The following TCF12 variants were observed in gnomAD, a reference collection of about 807,000 sequenced individuals.
The protein encoded by TCF12 is DNA-binding protein HTF4.
In TCF12, 45 loss-of-function variants were observed where a neutral mutation model predicts 86.0. The observed-to-expected ratio is 0.52, with a 90% CI of 0.41 to 0.67. The LOEUF is 0.67. Among genes scored for constraint, TCF12 ranks in the 30% least tolerant of loss-of-function variants. TCF12 has a pLI of 0.00. For missense variants in TCF12, 881 were observed against 859.9 expected (o/e 1.02, Z -0.31); for synonymous variants, 330 against 299.6 (o/e 1.10, Z -1.05).
intron 3 of TCF12, among the ~76,000 whole-genome samples, chr15:57,007,754 C>CTTT (rs1567240947): frequency 2.2e-5 from 3 of 138,274 alleles, no homozygotes; most frequent in African/African-American, 8.3e-5. Context: ...AAATATTTTT[C>CTTT]CTTCTTTCTT....
rs537779932 is a variant in TCF12 at position 57,103,373 on chromosome 15, G to A, written c.325+11482G>A. 4.6e-5 allele frequency among the ~76,000 whole-genome samples: 7 copies of A among 152,284 alleles called. No individual in the cohort carries two copies. The East Asian group carries it at 1.3e-3, about 29-fold the overall frequency. On this transcript the variant is annotated intron_variant, in intron 5 of 20. Transcript: ENST00000333725. ...TGCTATTCATTTTCAACTTAAGGCT[G>A]TCTTCTGTCTTAAGGATTTAATTGG...
chr15:57,062,669 C>T (rs1339344127), intron 3 of TCF12, among the ~76,000 whole-genome samples: 2 of 152,102 alleles, frequency 1.3e-5, no homozygotes, highest in Non-Finnish European at 2.9e-5. Context: ...GAATTTGTGG[C>T]ATTTAATTTA....
At chr15:57,009,334 C>T (rs2064679147) in intron 3 of TCF12, among the ~76,000 whole-genome samples, 1 of 152,130 alleles carries the variant, frequency 6.6e-6, no homozygotes, top group Non-Finnish European at 1.5e-5. Context: ...TGGTCTCACA[C>T]TCCTGGGCTC....
At chr15:57,238,828 A>G (rs2059485738) in intron 12 of TCF12, among the ~76,000 whole-genome samples, 1 of 152,162 alleles carries the variant, frequency 6.6e-6, no homozygotes, top group South Asian at 2.1e-4. Context: ...ATATACAAAT[A>G]ATGATAATGT....
At chr15:57,276,202 A>G (rs2061389643) in intron 19 of TCF12, among the ~76,000 whole-genome samples, 1 of 152,152 alleles carries the variant, frequency 6.6e-6, no homozygotes, top group African/African-American at 2.4e-5. Flanking sequence ...TTTGAACATA[A>G]ATGGTGTTGG....
chr15:56,986,019 A>G (rs949795456), intron 3 of TCF12, among the ~76,000 whole-genome samples: 1 of 152,046 alleles, frequency 6.6e-6, no homozygotes, highest in South Asian at 2.1e-4. Flanking sequence ...ATCTTTTGTC[A>G]GTTCTTTTGT....
chr15:57,279,147 A>G (rs1478995431), intron 19 of TCF12, among the ~76,000 whole-genome samples: 2 of 152,028 alleles, frequency 1.3e-5, no homozygotes, highest in African/African-American at 4.8e-5. Context: ...GGTGGGTACC[A>G]GCACACCTGG....
At chr15:56,926,428 T>G (rs1305800611) in intron 3 of TCF12, among the ~76,000 whole-genome samples, 1 of 152,002 alleles carries the variant, frequency 6.6e-6, no homozygotes, top group Non-Finnish European at 1.5e-5. Flanking sequence ...TTAAATTGAG[T>G]CCATAAGAAA....
At chr15:57,137,248 C>T (rs773161071) in intron 5 of TCF12, among the ~76,000 whole-genome samples, 1 of 152,186 alleles carries the variant, frequency 6.6e-6, no homozygotes, top group Non-Finnish European at 1.5e-5. Context: ...TCCCAAAGTG[C>T]TGGGATTACA....
chr15:57,278,831 CTCTT>C (rs1484729375), intron 19 of TCF12, among the ~76,000 whole-genome samples: 9 of 149,278 alleles, frequency 6.0e-5, no homozygotes, highest in Non-Finnish European at 8.9e-5. Context: ...TTCTTTCTTT[CTCTT>C]TCTCTCTTTC....
chr15:57,014,887 T>TTAC lies in TCF12; in HGVS notation c.149-48861_149-48860insCTA, dbSNP rs1261971711. On this transcript the variant is annotated intron_variant, in intron 3 of 20. Transcript: ENST00000333725. The stretch of plus-strand genomic sequence containing the variant: ...TTTATTATTATTATTATTATTATTA[T>TTAC]TATTATTGTTATTATTATTATTATT... Among the ~76,000 whole-genome samples the TTAC allele has an allele frequency of 3.4e-5, 5 of 147,926 alleles. 1 individual carries two copies. The highest frequency in any genetic ancestry group is 2.7e-4 in the Admixed American group (4 of 14,806).
At chr15:56,941,517 C>T (rs1208485657) in intron 3 of TCF12, among the ~76,000 whole-genome samples, 1 of 151,836 alleles carries the variant, frequency 6.6e-6, no homozygotes, top group Non-Finnish European at 1.5e-5. Flanking sequence ...GGATTACAGG[C>T]ATGCACCACC....
chr15:57,132,021 T>G (rs1440692246), intron 5 of TCF12, among the ~76,000 whole-genome samples: 8 of 152,128 alleles, frequency 5.3e-5, no homozygotes, highest in African/African-American at 1.7e-4. Context: ...CATGGTGGCA[T>G]GTACCTGTAG....
chr15:57,199,779 A>G (rs2057444014), intron 8 of TCF12, among the ~76,000 whole-genome samples: 1 of 152,206 alleles, frequency 6.6e-6, no homozygotes, highest in East Asian at 1.9e-4. Context: ...CTATATTAGT[A>G]TATATTAAAT....
chr15:57,140,342 C>A (rs2052867297), intron 5 of TCF12, among the ~76,000 whole-genome samples: 1 of 152,138 alleles, frequency 6.6e-6, no homozygotes, highest in African/African-American at 2.4e-5. Flanking sequence ...TGTATAATTC[C>A]ATTTCTGTGA....
intron 7 of TCF12, among the ~76,000 whole-genome samples, chr15:57,196,273 A>G (rs1222713501): frequency 2.0e-5 from 3 of 152,100 alleles, no homozygotes; most frequent in African/African-American, 7.2e-5. Flanking sequence ...TTTACATAGC[A>G]TTTTCATAGT....
intron 3 of TCF12, among the ~76,000 whole-genome samples, chr15:57,062,857 A>G (rs1426827857): frequency 1.3e-5 from 2 of 152,252 alleles, no homozygotes; most frequent in Non-Finnish European, 2.9e-5. Context: ...ATTTCATCAT[A>G]GAATGAAACT....
At chr15:57,184,057 TTA>T (rs779430335) in intron 6 of TCF12, among the ~76,000 whole-genome samples, 3 of 152,304 alleles carry the variant, frequency 2.0e-5, no homozygotes. Flanking sequence ...ATCTGAAAGT[TTA>T]TGTTTACCTT....
chr15:57,047,759 G>T (rs546592509), intron 3 of TCF12, among the ~76,000 whole-genome samples: 4 of 152,244 alleles, frequency 2.6e-5, no homozygotes, highest in Admixed American at 2.6e-4. Flanking sequence ...CCATTGTTGT[G>T]TGTCACTTAA....
Sources: gnomAD v4.1 joint callset for allele counts (sites outside exome capture counted in the v4.1 genomes callset) on GRCh38, gnomAD v4.1.1 for gene constraint, MANE v1.5 for transcripts, NCBI Gene and HGNC (gene_info 2026-07-23, HGNC 2026-07-21) for gene names.